The following NELL2 variants were observed in gnomAD, a reference collection of about 807,000 sequenced individuals.
NELL2 encodes the protein protein kinase C-binding protein NELL2.
NELL2 carries 41 observed loss-of-function variants against 109.6 expected under a neutral mutation model. The ratio of observed to expected loss-of-function variants is 0.37; its 90% CI spans 0.29 to 0.49. The LOEUF is 0.49. Ranked by LOEUF, NELL2 falls within the 20% of genes least tolerant of loss-of-function variation. The pLI is 0.98. For synonymous variants in NELL2, 355 were observed against 344.7 expected (o/e 1.03, Z -0.33); for missense variants, 900 against 1,008.3 (o/e 0.89, Z 1.45).
intron 2 of NELL2, among the ~76,000 whole-genome samples, chr12:44,828,594 A>T (rs1317922521): frequency 6.6e-6 from 1 of 152,206 alleles, no homozygotes; most frequent in African/African-American, 2.4e-5. Flanking sequence ...ATAAGCATTA[A>T]TCAACTAATC....
intron 2 of NELL2, among the ~76,000 whole-genome samples, chr12:44,849,214 T>A (rs1225589764): frequency 1.3e-5 from 2 of 152,058 alleles, no homozygotes; most frequent in Non-Finnish European, 2.9e-5. Flanking sequence ...AAAATAAATA[T>A]TCCTGCTCAT....
chr12:44,626,559 A>G (rs1481547696), intron 13 of NELL2, among the ~76,000 whole-genome samples: 1 of 152,186 alleles, frequency 6.6e-6, no homozygotes, highest in Admixed American at 6.5e-5. Flanking sequence ...TGTCTTCCTC[A>G]TTCAAATAAA....
intron 19 of NELL2, among the ~76,000 whole-genome samples, chr12:44,514,450 T>C (rs1368207165): frequency 6.6e-6 from 1 of 151,800 alleles, no homozygotes; most frequent in Non-Finnish European, 1.5e-5. Context: ...ATAAAACATT[T>C]TGACAGAGAG....
rs186485782 is a variant in NELL2 at position 44,692,160 on chromosome 12, C to T, written c.1318+11566G>A. Reference sequence around the variant, plus strand: ...GGTTGACTCTCTTGTTAGGGGCTAACGCAGTTGTGGTGACGTTAAGTTGAA... The same window carrying T: ...GGTTGACTCTCTTGTTAGGGGCTAATGCAGTTGTGGTGACGTTAAGTTGAA... On this transcript the variant is annotated intron_variant, in intron 12 of 19. Coordinates refer to ENST00000429094, the MANE Select transcript of NELL2 (RefSeq NM_001145108.2). Among the ~76,000 whole-genome samples the T allele has an allele frequency of 4.3e-4, 65 of 152,266 alleles. No individual in the cohort carries two copies. In the East Asian group the frequency reaches 8.9e-3, roughly 21 times the overall value.
At chr12:44,682,784 G>C (rs1024906286) in intron 12 of NELL2, among the ~76,000 whole-genome samples, 10 of 152,176 alleles carry the variant, frequency 6.6e-5, no homozygotes, top group African/African-American at 2.4e-4. Context: ...CTATATCTCT[G>C]TTTTGGTACC....
chr12:44,874,261 A>T (rs965833979), intron 2 of NELL2, among the ~76,000 whole-genome samples: 2 of 152,232 alleles, frequency 1.3e-5, no homozygotes, highest in Admixed American at 6.5e-5. Context: ...AACAACAACA[A>T]CAAAAATCTG....
intron 13 of NELL2, among the ~76,000 whole-genome samples, chr12:44,654,331 T>G (rs1947412300): frequency 6.6e-6 from 1 of 152,214 alleles, no homozygotes; most frequent in African/African-American, 2.4e-5. Context: ...ACTCTAACTC[T>G]CTCTACTCTT....
At chr12:44,801,221 A>G (rs1942817752) in intron 3 of NELL2, among the ~76,000 whole-genome samples, 1 of 152,182 alleles carries the variant, frequency 6.6e-6, no homozygotes, top group African/African-American at 2.4e-5. Flanking sequence ...ATAGTTACCC[A>G]ATAATGTAGA....
At chr12:44,881,967 G>A (rs1380469601) in intron 1 of NELL2, 1 of 152,084 alleles carries the variant, frequency 6.6e-6, no homozygotes, top group East Asian at 1.9e-4. Flanking sequence ...CCACAAAAAA[G>A]TGGAATTTTT....
intron 16 of NELL2, among the ~76,000 whole-genome samples, chr12:44,528,984 T>A (rs1750399061): frequency 6.6e-6 from 1 of 152,140 alleles, no homozygotes. Flanking sequence ...TTGTCAACCA[T>A]GGTCAGGGTT....
chr12:44,591,851 G>A (rs1340999657), intron 15 of NELL2, among the ~76,000 whole-genome samples: 1 of 152,158 alleles, frequency 6.6e-6, no homozygotes, highest in Admixed American at 6.5e-5. Flanking sequence ...TTGTATACAT[G>A]TATCGAAATA....
At chr12:44,827,617 C>T (rs1453184401) in intron 2 of NELL2, among the ~76,000 whole-genome samples, 3 of 152,112 alleles carry the variant, frequency 2.0e-5, no homozygotes, top group Non-Finnish European at 2.9e-5. Flanking sequence ...AACATAAACA[C>T]CTCCAGTTCC....
intron 13 of NELL2, among the ~76,000 whole-genome samples, chr12:44,648,004 T>C (rs943595334): frequency 3.9e-5 from 6 of 152,190 alleles, no homozygotes; most frequent in Admixed American, 6.5e-5. Flanking sequence ...TTAGGCAGTG[T>C]AGCTATTCAG....
intron 9 of NELL2, among the ~76,000 whole-genome samples, chr12:44,741,738 T>C (rs1161962195): frequency 6.6e-6 from 1 of 152,050 alleles, no homozygotes; most frequent in Non-Finnish European, 1.5e-5. Context: ...AACTGCAAGG[T>C]GGCAGCGAGG....
intron 18 of NELL2, among the ~76,000 whole-genome samples, chr12:44,521,484 G>C (rs1197480179): frequency 4.6e-4 from 68 of 148,602 alleles, no homozygotes; most frequent in South Asian, 2.4e-3. Context: ...GAGCCGAGAT[G>C]GTGCCACTGC....
intron 9 of NELL2, among the ~76,000 whole-genome samples, chr12:44,768,282 G>T (rs2136566927): frequency 6.6e-6 from 1 of 151,400 alleles, no homozygotes; most frequent in African/African-American, 2.4e-5. Context: ...ATGTTTAAAA[G>T]GTAGCAGCAT....
intron 15 of NELL2, among the ~76,000 whole-genome samples, chr12:44,543,910 T>C (rs894184407): frequency 6.6e-6 from 1 of 152,140 alleles, no homozygotes; most frequent in Non-Finnish European, 1.5e-5. Context: ...AGGAATATAC[T>C]ACTTGTCTGT....
At chr12:44,706,093 GA>G (rs1937860792) in intron 11 of NELL2, among the ~76,000 whole-genome samples, 1 of 152,126 alleles carries the variant, frequency 6.6e-6, no homozygotes, top group Non-Finnish European at 1.5e-5. Flanking sequence ...ATTGCTGCAA[GA>G]ATTTTCTCAC....
At chr12:44,872,652 G>T (rs1945197136) in intron 2 of NELL2, among the ~76,000 whole-genome samples, 2 of 152,174 alleles carry the variant, frequency 1.3e-5, no homozygotes, top group South Asian at 4.1e-4. Flanking sequence ...GAAGAAGATG[G>T]TTACATTACT....
Sources: allele counts gnomAD v4.1 joint callset (sites outside exome capture counted in the v4.1 genomes callset), GRCh38; gene constraint gnomAD v4.1.1; transcripts MANE v1.5; gene names NCBI Gene and HGNC (gene_info 2026-07-23, HGNC 2026-07-21).